VEZF1: variants seen among roughly 807,000 people sequenced by gnomAD.
The protein encoded by VEZF1 is vascular endothelial zinc finger 1.
In VEZF1, 5 loss-of-function variants were observed where a neutral mutation model predicts 44.1. The ratio of observed to expected loss-of-function variants is 0.11; its 90% CI spans 0.06 to 0.24. VEZF1 has a LOEUF of 0.24. Ranked by LOEUF, VEZF1 falls within the 10% of genes least tolerant of loss-of-function variation. The probability of loss-of-function intolerance (pLI) is 1.00; values close to 1 mark genes in which losing one functional copy is unlikely to be tolerated. For missense variants in VEZF1, 358 were observed against 641.8 expected, an observed-to-expected ratio of 0.56 and a Z score of 4.78; for synonymous variants, 236 against 233.1, an observed-to-expected ratio of 1.01 and a Z score of -0.11.
rs1207209635 is a variant in VEZF1, at chr17:57,974,159, T to C, written c.*314A>G. The C allele has an allele frequency of 6.2e-6, 2 of 324,940 alleles. No homozygotes were observed. The highest frequency in any genetic ancestry group is 1.1e-5 in the Non-Finnish European group (2 of 176,120). 20.1% of individuals were successfully genotyped at this position (324,940 alleles called of 1,614,324 possible). The stretch of plus-strand genomic sequence containing the variant: ...TGGGATTAGAAATAGTAATGCTGTT[T>C]TTTTATTTTGAAGTGGGTTCTACTT... On this transcript the variant is annotated 3_prime_UTR_variant, in exon 6 of 6. Coordinates refer to ENST00000581208, the MANE Select transcript of VEZF1 (RefSeq NM_007146.3).
intron 5 of VEZF1, among the ~76,000 whole-genome samples, chr17:57,975,197 G>C (rs750746516): frequency 3.3e-5 from 5 of 152,216 alleles, no homozygotes; most frequent in Non-Finnish European, 7.3e-5. Flanking sequence ...CAGTGATGCT[G>C]AGAGGATCAG....
At chr17:57,983,460 C>G in intron 1 of VEZF1, 67 bp from the exon 2 acceptor site, 1 of 1,377,886 alleles carries the variant, frequency 7.3e-7, no homozygotes, top group Non-Finnish European at 9.9e-7. Context: ...TCAACATGCT[C>G]CAGACAATAG....
intron 5 of VEZF1, among the ~76,000 whole-genome samples, chr17:57,977,287 T>TTTGTTG (rs796748911): frequency 6.6e-6 from 1 of 151,970 alleles, no homozygotes; most frequent in Non-Finnish European, 1.5e-5. Flanking sequence ...CGGCTAATTT[T>TTTGTTG]TTGTTGTTGT....
intron 1 of VEZF1, among the ~76,000 whole-genome samples, chr17:57,986,900 TA>T (rs1226975192): frequency 6.6e-6 from 1 of 152,148 alleles, no homozygotes; most frequent in Non-Finnish European, 1.5e-5. Flanking sequence ...AGAACGCACT[TA>T]AAAGTGACGA....
chr17:57,978,508 C>T (rs893325696), intron 5 of VEZF1, among the ~76,000 whole-genome samples: 5 of 152,122 alleles, frequency 3.3e-5, no homozygotes, highest in African/African-American at 1.2e-4. Context: ...ACTGATACTC[C>T]AACTGATTCG....
intron 1 of VEZF1, among the ~76,000 whole-genome samples, chr17:57,986,406 C>A (rs1268545990): frequency 6.6e-6 from 1 of 151,908 alleles, no homozygotes; most frequent in Non-Finnish European, 1.5e-5. Flanking sequence ...TTTAAAATAA[C>A]CATTTGAGCT....
At chr17:57,982,473 A>G (rs2075258260) in intron 2 of VEZF1, among the ~76,000 whole-genome samples, 1 of 152,154 alleles carries the variant, frequency 6.6e-6, no homozygotes, top group Non-Finnish European at 1.5e-5. Context: ...CCACCGAGGC[A>G]CTTGTTAAGT....
rs373474202 is a variant in VEZF1 at position 57,981,935 on chromosome 17, G to A, written c.730C>T (p.Pro244Ser). ...CSVCGKGFSRPDHLSCHVKHV... is the reference protein window; with the variant it reads ...CSVCGKGFSRSDHLSCHVKHV... ...TTTACATGACAGCTTAAGTGGTCAG[G>A]CCTGTGAAAAAGAGAGTTTCAACAG... Residue 244 changes from proline to serine, a missense_variant and splice_region_variant, in exon 3 of 6, where the codon CCT (proline) becomes TCT (serine). Physicochemically the swap from Pro to Ser is moderately conservative, Grantham distance 74. This residue lies in a region of VEZF1 where 48 missense variants were observed against 144.9 expected (regional missense o/e 0.33). Transcript: ENST00000581208. 1.2e-6 allele frequency: 2 copies of A among 1,613,890 alleles called. No individual in the cohort carries two copies. Among genetic ancestry groups the A allele is most frequent in the Non-Finnish European group, 1.7e-6 (2 of 1,179,954 alleles).
chr17:57,981,519 T>C (rs2075249519), intron 3 of VEZF1, among the ~76,000 whole-genome samples: 1 of 152,244 alleles, frequency 6.6e-6, no homozygotes. Flanking sequence ...CTATTACAGT[T>C]AAAACAACTT....
chr17:57,972,466 C>T lies in VEZF1; in HGVS notation c.*2007G>A, dbSNP rs2075146198. 6.6e-6 allele frequency: 1 copy of T among 152,622 alleles called. No homozygotes were observed. The highest frequency in any genetic ancestry group is 2.4e-5 in the African/African-American group (1 of 41,456). The allele number at this position is 152,622 out of a possible 1,614,324, so 9.5% of individuals were successfully genotyped here. On this transcript the variant is annotated 3_prime_UTR_variant, in exon 6 of 6. Coordinates refer to ENST00000581208, the MANE Select transcript of VEZF1 (RefSeq NM_007146.3). ...TCAGCAAGGTCATTCTTGGGCTTTC[C>T]CTACACGAGTCCTTCCAGTAGTCCA... is the stretch of plus-strand genomic sequence containing the variant.
At position 57,973,075 on chromosome 17, in the gene VEZF1, G is replaced by A. The variant is rs1027408443; in HGVS notation, c.*1398C>T. On this transcript the variant is annotated 3_prime_UTR_variant, in exon 6 of 6. Transcript: ENST00000581208. Reference sequence around the variant, plus strand: ...CAACTTAAAAAATCACAGCATCTTGGTTTAGTTAATTTTTTTTTTAACGCA... The same window carrying A: ...CAACTTAAAAAATCACAGCATCTTGATTTAGTTAATTTTTTTTTTAACGCA... The A allele has an allele frequency of 4.0e-5, 6 of 150,782 alleles. No individual in the cohort carries two copies. Among genetic ancestry groups the A allele is most frequent in the African/African-American group, 1.2e-4 (5 of 40,490 alleles). The allele number at this position is 150,782 out of a possible 1,614,324, so 9.3% of individuals were successfully genotyped here.
intron 1 of VEZF1, 24 bp downstream of exon 1, chr17:57,988,055 C>T (rs1353307300): frequency 3.3e-6 from 1 of 305,520 alleles, no homozygotes; most frequent in East Asian, 1.0e-4. Flanking sequence ...CCCCCCCGTG[C>T]CCCCCCGGGG....
At chr17:57,980,578 A>G in intron 4 of VEZF1, 25 bp downstream of exon 4, 1 of 1,603,912 alleles carries the variant, frequency 6.2e-7, no homozygotes, top group South Asian at 1.1e-5. Context: ...AATATAAAAG[A>G]AAGAAAATCT....
chr17:57,983,027 C>A lies in VEZF1; in HGVS notation c.400G>T (p.Gly134Cys). 1 of 1,614,168 alleles carries A rather than the reference C, an allele frequency of 6.2e-7. No individual in the cohort carries two copies. The highest frequency in any genetic ancestry group is 8.5e-7 in the Non-Finnish European group (1 of 1,180,032). ...GATGTAGTGACTGTTGACAAGATGC[C>A]TGCAATGGTCGAGACCAACGAAGTT... is the stretch of plus-strand genomic sequence containing the variant. ...SRTSLVSTIA[G>C]ILSTVTTSSS... Residue 134 changes from glycine (G) to cysteine (C), a missense_variant, in exon 2 of 6, where the codon GGC (glycine) becomes TGC (cysteine). Physicochemically the swap from Gly to Cys is radical, Grantham distance 159. Transcript: ENST00000581208.
intron 1 of VEZF1, 34 bp downstream of exon 1, chr17:57,988,044 TC>T (rs1253629140): frequency 4.7e-5 from 11 of 236,096 alleles, no homozygotes; most frequent in East Asian, 1.2e-4. Context: ...GGCCCCCCTG[TC>T]CCCCCCGTGC....
chr17:57,987,134 C>T (rs1226238113), intron 1 of VEZF1, among the ~76,000 whole-genome samples: 2 of 152,226 alleles, frequency 1.3e-5, no homozygotes, highest in Non-Finnish European at 2.9e-5. Context: ...AGACCAACAT[C>T]CCAGAGAGTG....
chr17:57,984,909 T>C (rs913588522), intron 1 of VEZF1, among the ~76,000 whole-genome samples: 1 of 152,228 alleles, frequency 6.6e-6, no homozygotes, highest in Admixed American at 6.5e-5. Flanking sequence ...TATGAGTCTC[T>C]TTCTGGACTT....
intron 1 of VEZF1, 29 bp downstream of exon 1, chr17:57,988,050 C>T (rs1300833904): frequency 1.1e-5 from 3 of 281,658 alleles, no homozygotes; most frequent in African/African-American, 6.9e-5. Context: ...CCTGTCCCCC[C>T]CGTGCCCCCC....
chr17:57,986,349 G>A (rs2075293694), intron 1 of VEZF1, among the ~76,000 whole-genome samples: 1 of 151,896 alleles, frequency 6.6e-6, no homozygotes, highest in South Asian at 2.1e-4. Context: ...GCTTAATATG[G>A]TTTTTAATCA....
Sources: gnomAD v4.1 joint callset for allele counts (sites outside exome capture counted in the v4.1 genomes callset) on GRCh38, gnomAD v4.1.1 for gene constraint, gnomAD v4.1.1 regional missense constraint, MANE v1.5 for transcripts, NCBI Gene and HGNC (gene_info 2026-07-23, HGNC 2026-07-21) for gene names.